The following PNPLA3 variants were observed in gnomAD, a reference collection of about 807,000 sequenced individuals.
PNPLA3 encodes the protein patatin like domain 3, 1-acylglycerol-3-phosphate O-acyltransferase.
PNPLA3 carries 42 observed loss-of-function variants against 43.1 expected under a neutral mutation model. The ratio of observed to expected loss-of-function variants is 0.97; its 90% CI spans 0.76 to 1.26. The LOEUF is 1.26. Ranked by LOEUF, PNPLA3 falls within the 50% of genes most tolerant of loss-of-function variation. The pLI is 0.00. For missense variants in PNPLA3, 647 were observed against 621.4 expected (o/e 1.04, Z -0.44); for synonymous variants, 272 against 253.6 (o/e 1.07, Z -0.69).
intron 6 of PNPLA3, chr22:43,939,451 T>C (rs16991175): frequency 0.17 from 160,905 of 937,848 alleles, 14,710 homozygotes; most frequent in East Asian, 0.39. Flanking sequence ...GACCCTATGC[T>C]CCGTAAGCAC....
rs995356480 is a variant in PNPLA3, at chr22:43,923,888, C to T, written c.-24C>T. ...CGATCCCGACCCAGATCCTAACCCG[C>T]GCCCCCGCCCCGCCGCCGCCGCCAT... On this transcript the variant is annotated 5_prime_UTR_variant, in exon 1 of 9. Transcript: ENST00000216180. 3 of 1,485,352 alleles carry T rather than the reference C, an allele frequency of 2.0e-6. No individual in the cohort carries two copies. Among genetic ancestry groups the T allele is most frequent in the East Asian group, 5.4e-5 (2 of 37,156 alleles). 92.0% of individuals were successfully genotyped at this position (1,485,352 alleles called of 1,614,324 possible).
chr22:43,946,059 C>T, intron 8 of PNPLA3, 95 bp from the exon 9 acceptor site: 1 of 1,134,400 alleles, frequency 8.8e-7, no homozygotes, highest in African/African-American at 1.5e-5. Flanking sequence ...TGTGTGGTGC[C>T]CTCTACTGGC....
At chr22:43,929,169 T>C (rs1286673806) in intron 3 of PNPLA3, among the ~76,000 whole-genome samples, 1 of 152,212 alleles carries the variant, frequency 6.6e-6, no homozygotes, top group Non-Finnish European at 1.5e-5. Context: ...AGCTTCTCAG[T>C]GATCTAGTTA....
At chr22:43,934,510 T>A (rs2049982424) in intron 4 of PNPLA3, 96 bp from the exon 5 acceptor site, 1 of 1,278,090 alleles carries the variant, frequency 7.8e-7, no homozygotes, top group African/African-American at 1.5e-5. Flanking sequence ...AGAGCTTGCA[T>A]GATTCTTTGG....
At chr22:43,930,361 A>G (rs769446554) in intron 3 of PNPLA3, among the ~76,000 whole-genome samples, 38 of 152,196 alleles carry the variant, frequency 2.5e-4, no homozygotes, top group Admixed American at 9.8e-4. Context: ...GGTCCAGGAT[A>G]GTGGTCCACG....
In PNPLA3 at chr22:43,946,390, G is replaced by A; in HGVS notation, c.*8G>A. The A allele has an allele frequency of 6.2e-7, 1 of 1,608,178 alleles. No homozygotes were observed. The highest frequency in any genetic ancestry group is 8.5e-7 in the Non-Finnish European group (1 of 1,177,538). On this transcript the variant is annotated 3_prime_UTR_variant, in exon 9 of 9. Transcript: ENST00000216180. ...CTAGAGAAGAGTCTGTGAGTCACTT[G>A]AGGAGGCGAGTCTAGCAGATTCTTT...
intron 1 of PNPLA3, among the ~76,000 whole-genome samples, chr22:43,924,578 C>T (rs1285006625): frequency 6.6e-6 from 1 of 152,142 alleles, no homozygotes; most frequent in African/African-American, 2.4e-5. Context: ...GCCGGTCCCC[C>T]ACGGTGGGCT....
At chr22:43,929,273 C>T (rs112973849) in intron 3 of PNPLA3, among the ~76,000 whole-genome samples, 3 of 151,956 alleles carry the variant, frequency 2.0e-5, no homozygotes, top group African/African-American at 4.8e-5. Flanking sequence ...GTCAGGAGTT[C>T]GAGACCAGCC....
chr22:43,945,486 A>G (rs970907076), intron 8 of PNPLA3, among the ~76,000 whole-genome samples: 5 of 152,102 alleles, frequency 3.3e-5, no homozygotes, highest in African/African-American at 4.8e-5. Flanking sequence ...CATCCCCTCA[A>G]TGGGTTTCCG....
chr22:43,923,929 C>A lies in PNPLA3; in HGVS notation c.18C>A (p.Arg6=). 1 of 1,574,342 alleles carries A rather than the reference C, an allele frequency of 6.4e-7. No individual in the cohort carries two copies. The highest frequency in any genetic ancestry group is 8.6e-7 in the Non-Finnish European group (1 of 1,168,982). Residue 6 remains arginine (R), a synonymous_variant, in exon 1 of 9, where the codon CGC becomes CGA. Coordinates refer to ENST00000216180, the MANE Select transcript of PNPLA3 (RefSeq NM_025225.3). Reference sequence around the variant, plus strand: ...CCGCCGCCATGTACGACGCAGAGCGCGGCTGGAGCTTGTCCTTCGCGGGCT... The same window carrying A: ...CCGCCGCCATGTACGACGCAGAGCGAGGCTGGAGCTTGTCCTTCGCGGGCT... MYDAE[R]GWSLSFAGCG...
intron 7 of PNPLA3, among the ~76,000 whole-genome samples, chr22:43,941,343 G>A (rs1278989613): frequency 1.1e-5 from 1 of 93,640 alleles, no homozygotes; most frequent in African/African-American, 3.8e-5. Flanking sequence ...AAAGTGGGGG[G>A]GATGGGGGGT....
At chr22:43,940,332 C>T (rs1271349710) in intron 7 of PNPLA3, among the ~76,000 whole-genome samples, 1 of 152,202 alleles carries the variant, frequency 6.6e-6, no homozygotes, top group Non-Finnish European at 1.5e-5. Context: ...CCAGAAACTC[C>T]CCGTGGGGAC....
rs774779678 is a variant in PNPLA3, at chr22:43,946,299, A to AACTT, written c.1364_1367dup (p.Phe456LeufsTer7). 27 of 1,613,974 alleles carry AACTT rather than the reference A, an allele frequency of 1.7e-5. No individual in the cohort carries two copies. The highest frequency in any genetic ancestry group is 1.7e-5 in the Non-Finnish European group (20 of 1,180,046). Reference sequence around the variant, plus strand: ...GCGGTCCATCCTCAGGTCCAGCCTGAACTTCTTCTTGGGCAATAAAGTACC... The same window carrying AACTT: ...GCGGTCCATCCTCAGGTCCAGCCTGAACTTACTTCTTCTTGGGCAATAAAGTACC... On this transcript the variant is annotated frameshift_variant, in exon 9 of 9. Coordinates refer to ENST00000216180, the MANE Select transcript of PNPLA3 (RefSeq NM_025225.3). LOFTEE classifies it low-confidence loss of function (END_TRUNC).
In PNPLA3 at chr22:43,933,018, G is replaced by GCT; in HGVS notation, c.629_630dup (p.Leu212ValfsTer52). 6.2e-7 allele frequency: 1 copy of GCT among 1,614,158 alleles called. No individual in the cohort carries two copies. The highest frequency in any genetic ancestry group is 8.5e-7 in the Non-Finnish European group (1 of 1,180,036). On this transcript the variant is annotated frameshift_variant, in exon 4 of 9. Coordinates refer to ENST00000216180, the MANE Select transcript of PNPLA3 (RefSeq NM_025225.3). LOFTEE classifies it high-confidence loss of function. ...ACTTTCTTCATGTGGACATCACCAA[G>GCT]CTCAGTCTACGCCTCTGCACAGGGA...
intron 3 of PNPLA3, among the ~76,000 whole-genome samples, chr22:43,931,404 A>G (rs2049960916): frequency 6.6e-6 from 1 of 152,220 alleles, no homozygotes; most frequent in South Asian, 2.1e-4. Context: ...TGGCAGGAGA[A>G]TATTTGGGCT....
chr22:43,941,957 T>C (rs767622332), intron 7 of PNPLA3, among the ~76,000 whole-genome samples: 2 of 152,186 alleles, frequency 1.3e-5, no homozygotes, highest in Non-Finnish European at 2.9e-5. Context: ...ACAAAGAGGC[T>C]GCTGAGCCTC....
rs567857799 is a variant in PNPLA3, at chr22:43,933,030, C to A, written c.639C>A (p.Arg213=). ...LHVDITKLSL[R]LCTGNLYLLS... ...TGGACATCACCAAGCTCAGTCTACG[C>A]CTCTGCACAGGGAACCTCTACCTTC... Residue 213 remains arginine, a synonymous_variant, in exon 4 of 9, where the codon CGC becomes CGA. Transcript: ENST00000216180. 4 of 1,614,182 alleles carry A rather than the reference C, an allele frequency of 2.5e-6. No individual in the cohort carries two copies. The South Asian group carries it at 3.3e-5, about 13-fold the overall frequency.
chr22:43,938,644 C>A (rs2050011381), intron 6 of PNPLA3, among the ~76,000 whole-genome samples: 1 of 152,212 alleles, frequency 6.6e-6, no homozygotes, highest in South Asian at 2.1e-4. Context: ...GGAAATCCGC[C>A]CCCATGATCC....
intron 7 of PNPLA3, among the ~76,000 whole-genome samples, chr22:43,943,078 C>G (rs2050041804): frequency 6.6e-6 from 1 of 152,122 alleles, no homozygotes; most frequent in Non-Finnish European, 1.5e-5. Context: ...TCTTCTAGTC[C>G]TATCCTACAG....
Sources: gnomAD v4.1 joint callset for allele counts (sites outside exome capture counted in the v4.1 genomes callset) on GRCh38, gnomAD v4.1.1 for gene constraint, MANE v1.5 for transcripts, NCBI Gene and HGNC (gene_info 2026-07-23, HGNC 2026-07-21) for gene names.